NSUN6: variants seen among roughly 807,000 people sequenced by gnomAD.
The protein encoded by NSUN6 is tRNA (cytosine(72)-C(5))-methyltransferase NSUN6.
Under a neutral mutation model 58.0 loss-of-function variants are expected in NSUN6, and 64 were observed. The ratio of observed to expected loss-of-function variants is 1.10; its 90% CI spans 0.90 to 1.36. The LOEUF is 1.36. Among genes scored for constraint, NSUN6 ranks in the 40% most tolerant of loss-of-function variants. The pLI, the probability that NSUN6 is intolerant of heterozygous loss-of-function variation, is 0.00. For missense variants in NSUN6, 701 were observed against 550.1 expected (o/e 1.27, Z -2.74); for synonymous variants, 231 against 193.9 (o/e 1.19, Z -1.59).
At chr10:18,581,256 C>G (rs368311532) in intron 8 of NSUN6, among the ~76,000 whole-genome samples, 91 of 152,196 alleles carry the variant, frequency 6.0e-4, no homozygotes, top group African/African-American at 2.0e-3. Flanking sequence ...TTAAGGCATT[C>G]TTAGTCACAG....
chr10:18,626,480 T>G (rs768155027), intron 3 of NSUN6, among the ~76,000 whole-genome samples: 2 of 152,288 alleles, frequency 1.3e-5, no homozygotes, highest in African/African-American at 4.8e-5. Context: ...CAAAAGAGAC[T>G]TAATGGGCCG....
At chr10:18,635,079 T>C (rs1481364690) in intron 3 of NSUN6, among the ~76,000 whole-genome samples, 2 of 152,198 alleles carry the variant, frequency 1.3e-5, no homozygotes, top group Non-Finnish European at 2.9e-5. Context: ...CTGGGGATTT[T>C]GGTATGTGCT....
upstream of NSUN6, among the ~76,000 whole-genome samples, chr10:18,653,770 A>G (rs756927836): frequency 2.6e-5 from 4 of 152,242 alleles, no homozygotes; most frequent in Admixed American, 6.5e-5. Flanking sequence ...AAAGCATATT[A>G]CAAAACAAGA....
intron 8 of NSUN6, among the ~76,000 whole-genome samples, chr10:18,557,285 A>G (rs1245546939): frequency 6.6e-6 from 1 of 151,606 alleles, no homozygotes; most frequent in African/African-American, 2.4e-5. Context: ...TATGGAATGC[A>G]GTGGAGAGTG....
rs76484091 is a variant in NSUN6 at position 18,558,729 on chromosome 10, G to T, written c.923-6758C>A. On this transcript the variant is annotated intron_variant, in intron 8 of 10. Coordinates refer to ENST00000377304, the MANE Select transcript of NSUN6 (RefSeq NM_182543.5). ...ATGGAATTGAAAGTGGAATGAAATG[G>T]AATGGAGGATGGAAAGGAATGGAAT... is the stretch of plus-strand genomic sequence containing the variant. Among the ~76,000 whole-genome samples the T allele has an allele frequency of 9.9e-3, 1,474 of 149,514 alleles. 28 individuals carry two copies. The highest frequency in any genetic ancestry group is 0.034 in the African/African-American group (1,406 of 40,932).
intron 8 of NSUN6, among the ~76,000 whole-genome samples, chr10:18,554,963 G>A (rs1366856604): frequency 6.8e-6 from 1 of 146,244 alleles, no homozygotes; most frequent in Non-Finnish European, 1.5e-5. Context: ...ATGAAATGGA[G>A]AATGGAATGG....
intron 10 of NSUN6, among the ~76,000 whole-genome samples, chr10:18,546,823 G>A (rs2054292292): frequency 6.6e-6 from 1 of 152,002 alleles, no homozygotes; most frequent in Non-Finnish European, 1.5e-5. Flanking sequence ...AGAGAGCCAA[G>A]ATTGTGCCTG....
At chr10:18,640,756 C>G (rs2059367240) in intron 3 of NSUN6, among the ~76,000 whole-genome samples, 1 of 151,670 alleles carries the variant, frequency 6.6e-6, no homozygotes, top group African/African-American at 2.4e-5. Context: ...ATGTAACTTT[C>G]ACCTTTAAAC....
intron 6 of NSUN6, among the ~76,000 whole-genome samples, chr10:18,597,750 G>C (rs1450297892): frequency 6.6e-6 from 1 of 152,090 alleles, no homozygotes; most frequent in Non-Finnish European, 1.5e-5. Flanking sequence ...TGGGCAATAA[G>C]AGCGAAACTC....
At position 18,551,938 on chromosome 10, in the gene NSUN6, C is replaced by T. The variant is rs373727717; in HGVS notation, c.956G>A (p.Arg319Gln). 2.9e-5 allele frequency: 46 copies of T among 1,607,020 alleles called. No individual in the cohort carries two copies. The highest frequency in any genetic ancestry group is 3.5e-5 in the Non-Finnish European group (41 of 1,174,452). Residue 319 changes from arginine to glutamine, a missense_variant, in exon 9 of 11, where the codon CGA (arginine) becomes CAA (glutamine). Transcript: ENST00000377304. ...EPPFLPESFD[R>Q]ILLDAPCSGM... ...ACTACAGGGTGCATCCAGAAGAATT[C>T]GGTCAAAGGATTCTGGTAGAAATGG...
intron 9 of NSUN6, among the ~76,000 whole-genome samples, chr10:18,551,244 TTG>T (rs35396134): frequency 0.055 from 6,986 of 127,032 alleles, 288 homozygotes; most frequent in African/African-American, 0.13. Flanking sequence ...GTCCTCTCAG[TTG>T]TGTGTGTGTG....
chr10:18,555,518 GGAAGGGAGCATGGAAT>G (rs1436077688), intron 8 of NSUN6, among the ~76,000 whole-genome samples: 57 of 151,402 alleles, frequency 3.8e-4, no homozygotes, highest in African/African-American at 1.4e-3. Flanking sequence ...AGAATGGAAT[GGAAGGGAGCATGGAAT>G]GAAGGCAGCA....
intron 7 of NSUN6, among the ~76,000 whole-genome samples, chr10:18,593,138 A>C (rs189883706): frequency 5.9e-4 from 90 of 152,342 alleles, no homozygotes; most frequent in African/African-American, 1.9e-3. Flanking sequence ...GAGAAATGCA[A>C]ATCAAAACCA....
intron 4 of NSUN6, among the ~76,000 whole-genome samples, chr10:18,614,896 T>C (rs901598925): frequency 4.6e-5 from 7 of 152,128 alleles, no homozygotes; most frequent in African/African-American, 1.7e-4. Context: ...AGCCAAATTA[T>C]TTCCCCCAAG....
At chr10:18,641,607 G>A (rs139187020) in intron 3 of NSUN6, among the ~76,000 whole-genome samples, 1 of 151,794 alleles carries the variant, frequency 6.6e-6, no homozygotes, top group Non-Finnish European at 1.5e-5. Context: ...TGGGCTCAAG[G>A]GATCCGCCTA....
intron 3 of NSUN6, among the ~76,000 whole-genome samples, chr10:18,641,259 T>A (rs1411848183): frequency 1.3e-5 from 2 of 152,288 alleles, no homozygotes; most frequent in Admixed American, 6.5e-5. Flanking sequence ...TCTATATTTA[T>A]TATAATTCTT....
chr10:18,578,231 ATTTTTT>A (rs71402184), intron 8 of NSUN6, among the ~76,000 whole-genome samples: 30 of 121,146 alleles, frequency 2.5e-4, no homozygotes, highest in East Asian at 1.9e-3. Context: ...CTCTAAGCCT[ATTTTTT>A]TTTTTTTTTT....
chr10:18,603,120 C>A (rs1268649083), intron 6 of NSUN6, among the ~76,000 whole-genome samples: 1 of 152,148 alleles, frequency 6.6e-6, no homozygotes, highest in Non-Finnish European at 1.5e-5. Context: ...TGGCAAAACC[C>A]TGTCTCTACT....
intron 8 of NSUN6, among the ~76,000 whole-genome samples, chr10:18,570,230 C>A (rs117797186): frequency 6.6e-6 from 1 of 151,026 alleles, no homozygotes; most frequent in South Asian, 2.1e-4. Flanking sequence ...CCATTGCATT[C>A]TATTCTCCAT....
Sources: allele counts gnomAD v4.1 joint callset (sites outside exome capture counted in the v4.1 genomes callset), GRCh38; gene constraint gnomAD v4.1.1; transcripts MANE v1.5; gene names NCBI Gene and HGNC (gene_info 2026-07-23, HGNC 2026-07-21).